The following TMEM9 variants were observed in gnomAD, a reference collection of about 807,000 sequenced individuals.
TMEM9 encodes the protein transmembrane protein 9.
In TMEM9, 13 loss-of-function variants were observed where a neutral mutation model predicts 22.8. The ratio of observed to expected loss-of-function variants is 0.57; its 90% CI spans 0.37 to 0.91. The LOEUF (loss-of-function observed/expected upper bound fraction) is 0.91, where lower values mean the gene tolerates loss of function less well. TMEM9 is among the 40% of genes least tolerant of loss of function. TMEM9 has a pLI of 0.01. For missense variants in TMEM9, 182 were observed against 238.1 expected (o/e 0.76, Z 1.55); for synonymous variants, 88 against 93.0 (o/e 0.95, Z 0.31).
chr1:201,139,246 A>G (rs537993250), intron 4 of TMEM9, among the ~76,000 whole-genome samples: 3 of 152,082 alleles, frequency 2.0e-5, no homozygotes, highest in East Asian at 1.9e-4. Flanking sequence ...CTCCTCCCCA[A>G]TCCCAGGCAC....
At chr1:201,160,884 C>G (rs1448875056) in intron 1 of TMEM9, among the ~76,000 whole-genome samples, 1 of 149,444 alleles carries the variant, frequency 6.7e-6, no homozygotes, top group Non-Finnish European at 1.5e-5. Context: ...TGCAGTGAGC[C>G]GAGATCATGC....
At chr1:201,163,242 A>G (rs932974351) in intron 1 of TMEM9, among the ~76,000 whole-genome samples, 1 of 152,132 alleles carries the variant, frequency 6.6e-6, no homozygotes, top group Non-Finnish European at 1.5e-5. Flanking sequence ...AACCATGGTC[A>G]TGCCACTGTA....
intron 4 of TMEM9, among the ~76,000 whole-genome samples, chr1:201,139,008 G>C (rs953828009): frequency 6.6e-6 from 1 of 152,224 alleles, no homozygotes; most frequent in Non-Finnish European, 1.5e-5. Flanking sequence ...CATCAAGCGA[G>C]GCCCTCTTCT....
chr1:201,159,074 T>C (rs940433328), upstream of TMEM9, among the ~76,000 whole-genome samples: 13 of 152,200 alleles, frequency 8.5e-5, no homozygotes, highest in African/African-American at 3.1e-4. Flanking sequence ...ATGATTGACT[T>C]CCTAATTTTT....
At chr1:201,146,436 TAGA>T (rs1374020515) in intron 3 of TMEM9, among the ~76,000 whole-genome samples, 4 of 152,066 alleles carry the variant, frequency 2.6e-5, no homozygotes, top group African/African-American at 7.2e-5. Flanking sequence ...ACTGGATGAA[TAGA>T]AGAAGGGAGA....
At position 201,154,025 on chromosome 1, in the gene TMEM9, C is replaced by G; in HGVS notation, c.-102G>C. 7.2e-7 allele frequency: 1 copy of G among 1,383,988 alleles called. No individual in the cohort carries two copies. Among genetic ancestry groups the G allele is most frequent in the Non-Finnish European group, 9.7e-7 (1 of 1,029,070 alleles). 85.7% of individuals were successfully genotyped at this position (1,383,988 alleles called of 1,614,324 possible). ...CACACCGCAGCCAGCACGCTAGGCC[C>G]TTAACCATCCGGCCAAGTGGGAATG... On this transcript the variant is annotated 5_prime_UTR_variant, in exon 1 of 5. Transcript: ENST00000367330.
intron 1 of TMEM9, among the ~76,000 whole-genome samples, chr1:201,164,921 G>A (rs1241516897): frequency 6.6e-6 from 1 of 151,818 alleles, no homozygotes; most frequent in Non-Finnish European, 1.5e-5. Context: ...ATTGTGGCCA[G>A]GTTGATGAAT....
intron 1 of TMEM9, among the ~76,000 whole-genome samples, 155 bp from the exon 2 acceptor site, chr1:201,152,007 C>A (rs1221423815): frequency 6.6e-6 from 1 of 152,214 alleles, no homozygotes; most frequent in Non-Finnish European, 1.5e-5. Flanking sequence ...TCAAATCCAG[C>A]AAGGACTGCC....
At chr1:201,146,960 A>G (rs1485491820) in intron 2 of TMEM9, 112 bp from the exon 3 acceptor site, 6 of 924,536 alleles carry the variant, frequency 6.5e-6, no homozygotes, top group Non-Finnish European at 8.4e-6. Context: ...GGCAAAGGTG[A>G]AGGGTGCTCC....
intron 4 of TMEM9, among the ~76,000 whole-genome samples, chr1:201,136,844 A>T (rs1169769186): frequency 6.6e-6 from 1 of 152,158 alleles, no homozygotes; most frequent in East Asian, 1.9e-4. Context: ...GGATTAGTGC[A>T]CTTCTCTAAG....
At chr1:201,163,379 C>T (rs1472282249) in intron 1 of TMEM9, among the ~76,000 whole-genome samples, 2 of 152,130 alleles carry the variant, frequency 1.3e-5, no homozygotes, top group Admixed American at 6.5e-5. Context: ...CACCTGAGGT[C>T]AGGAGTTTGA....
intron 3 of TMEM9, 22 bp downstream of exon 3, chr1:201,146,718 C>CT: frequency 6.2e-7 from 1 of 1,605,674 alleles, no homozygotes; most frequent in Non-Finnish European, 8.5e-7. Context: ...ATCCCACTGG[C>CT]TTCCTGAGAC....
upstream of TMEM9, among the ~76,000 whole-genome samples, chr1:201,155,572 C>T (rs892466619): frequency 6.6e-6 from 1 of 152,170 alleles, no homozygotes; most frequent in African/African-American, 2.4e-5. Context: ...GTTTGCTAAA[C>T]TGAATTCTAT....
In TMEM9 at chr1:201,135,541, A is replaced by T. The variant is rs1663911835; in HGVS notation, c.*122T>A. On this transcript the variant is annotated 3_prime_UTR_variant, in exon 5 of 5. Transcript: ENST00000367330. ...CTAAAGTTAGGGAGAAGGAGGAAAA[A>T]TGCCACAGGCTTTTAAAGGGAAGAC... The T allele has an allele frequency of 9.2e-7, 1 of 1,085,444 alleles. No individual in the cohort carries two copies. The highest frequency in any genetic ancestry group is 1.3e-6 in the Non-Finnish European group (1 of 786,430). The allele number at this position is 1,085,444 out of a possible 1,614,324, so 67.2% of individuals were successfully genotyped here.
chr1:201,139,444 G>A (rs1172679220), intron 4 of TMEM9, among the ~76,000 whole-genome samples: 10 of 152,144 alleles, frequency 6.6e-5, no homozygotes, highest in East Asian at 3.9e-4. Flanking sequence ...TGCACGCTGC[G>A]GCTAGGGCCA....
chr1:201,146,648 AG>A (rs1363851683), intron 3 of TMEM9, 91 bp downstream of exon 3: 1 of 1,340,234 alleles, frequency 7.5e-7, no homozygotes, highest in East Asian at 2.3e-5. Flanking sequence ...GGGACATTCC[AG>A]AATAAAGTGA....
At chr1:201,143,793 G>A in intron 4 of TMEM9, 27 bp downstream of exon 4, 1 of 1,612,348 alleles carries the variant, frequency 6.2e-7, no homozygotes, top group Non-Finnish European at 8.5e-7. Flanking sequence ...CAGGGACCCA[G>A]GGCCTGGGCA....
At chr1:201,143,438 T>C (rs1489503585) in intron 4 of TMEM9, among the ~76,000 whole-genome samples, 2 of 152,256 alleles carry the variant, frequency 1.3e-5, no homozygotes, top group South Asian at 4.1e-4. Context: ...GTGGAATCAC[T>C]GGACAAACAA....
upstream of TMEM9, among the ~76,000 whole-genome samples, chr1:201,154,988 G>T (rs988663898): frequency 2.7e-4 from 41 of 152,304 alleles, 1 homozygote; most frequent in Middle Eastern, 0.01. Flanking sequence ...GTGCACAACA[G>T]CGTCCTCAGC....
Sources: allele counts gnomAD v4.1 joint callset (sites outside exome capture counted in the v4.1 genomes callset), GRCh38; gene constraint gnomAD v4.1.1; transcripts MANE v1.5; gene names NCBI Gene and HGNC (gene_info 2026-07-23, HGNC 2026-07-21).